SLC41A3: variants seen among roughly 807,000 people sequenced by gnomAD.
SLC41A3 encodes the protein solute carrier family 41 member 3.
In SLC41A3, 44 loss-of-function variants were observed where a neutral mutation model predicts 45.4. The observed-to-expected ratio is 0.97, with a 90% CI of 0.76 to 1.25. The LOEUF is 1.25. SLC41A3 is among the 50% of genes most tolerant of loss of function. The pLI, the probability that SLC41A3 is intolerant of heterozygous loss-of-function variation, is 0.00. For missense variants in SLC41A3, 550 were observed against 600.6 expected (o/e 0.92, Z 0.88); for synonymous variants, 256 against 252.4 (o/e 1.01, Z -0.13).
Position 126,017,940 on chromosome 3 carries a change from C to T in SLC41A3, c.746-1065G>A, listed in dbSNP as rs1314027670. ...AGGTCTCCCACCCTCTGGGAAACAGCGGCCTGCAGAAGCATCACCTTATAC... is the reference window on the plus strand; with the variant it reads ...AGGTCTCCCACCCTCTGGGAAACAGTGGCCTGCAGAAGCATCACCTTATAC... On this transcript the variant is annotated intron_variant, in intron 6 of 10. Coordinates refer to ENST00000360370, the MANE Select transcript of SLC41A3 (RefSeq NM_017836.4). Among the ~76,000 whole-genome samples, 6 of 152,298 alleles carry T rather than the reference C, an allele frequency of 3.9e-5. No homozygotes were observed. The South Asian group carries it at 8.3e-4, about 21-fold the overall frequency.
In SLC41A3 at chr3:126,026,545, A is replaced by C. The variant is rs573352494; in HGVS notation, c.454-66T>G. The C allele has an allele frequency of 1.3e-6, 2 of 1,558,012 alleles. No homozygotes were observed. Among genetic ancestry groups the C allele is most frequent in the East Asian group, 4.7e-5 (2 of 42,906 alleles). On this transcript the variant is annotated intron_variant, in intron 4 of 10. Coordinates refer to ENST00000360370, the MANE Select transcript of SLC41A3 (RefSeq NM_017836.4). This position sits in a 1 kb window ranked among gnomAD's most constrained non-coding sequence, Gnocchi z 4.2. Reference sequence around the variant, plus strand: ...GCCACAGCCACACTCCCTGCCCTTCACACCTCACTCACCGCAAGGGGCCGG... The same window carrying C: ...GCCACAGCCACACTCCCTGCCCTTCCCACCTCACTCACCGCAAGGGGCCGG...
intron 1 of SLC41A3, among the ~76,000 whole-genome samples, chr3:126,080,722 G>A (rs886483248): frequency 6.6e-6 from 1 of 152,186 alleles, no homozygotes; most frequent in South Asian, 2.1e-4. Flanking sequence ...AGGCCAAGGT[G>A]GGAGAATAAC....
chr3:126,090,444 G>T (rs1451908480), intron 1 of SLC41A3, among the ~76,000 whole-genome samples: 1 of 152,164 alleles, frequency 6.6e-6, no homozygotes, highest in Admixed American at 6.5e-5. Flanking sequence ...AGTAGATTTT[G>T]ACCATAATTT....
intron 2 of SLC41A3, chr3:126,056,258 T>C (rs1299772246): frequency 3.2e-5 from 47 of 1,457,260 alleles, no homozygotes; most frequent in Non-Finnish European, 4.0e-5. Context: ...GCCCTCCCAC[T>C]GTAGAGGCCC....
chr3:126,060,744 A>G (rs1042679886), intron 2 of SLC41A3, among the ~76,000 whole-genome samples: 1 of 152,254 alleles, frequency 6.6e-6, no homozygotes, highest in Admixed American at 6.5e-5. Flanking sequence ...GTAGCACAGC[A>G]GAAGAATCTC....
chr3:126,035,433 G>T (rs534678972), intron 3 of SLC41A3, among the ~76,000 whole-genome samples: 1 of 152,172 alleles, frequency 6.6e-6, no homozygotes, highest in Admixed American at 6.5e-5. Flanking sequence ...CAGGAGCTGC[G>T]GGTTTGGGTG....
intron 2 of SLC41A3, among the ~76,000 whole-genome samples, chr3:126,058,803 G>C (rs551519608): frequency 1.3e-5 from 2 of 152,168 alleles, no homozygotes; most frequent in Admixed American, 6.5e-5. Context: ...ATGGTCATAT[G>C]CTGCAGCTGC....
intron 6 of SLC41A3, among the ~76,000 whole-genome samples, chr3:126,018,709 C>T (rs1337411995): frequency 1.3e-5 from 2 of 152,254 alleles, no homozygotes; most frequent in Admixed American, 6.5e-5. Flanking sequence ...ATGCCCACTG[C>T]CCTCCAATCC....
Position 126,007,203 on chromosome 3 carries a change from G to C in SLC41A3, c.1277C>G (p.Ala426Gly). Residue 426 changes from alanine to glycine, a missense_variant, in exon 11 of 11, where the codon GCA becomes GGA. Ala to Gly is a moderately conservative substitution (Grantham distance 60). Transcript: ENST00000360370. ...CCAAGTCAGCCGAACCATCACTTCTGCGAGGTACAGCAGGATTGTCACCTG... is the reference window on the plus strand; with the variant it reads ...CCAAGTCAGCCGAACCATCACTTCTCCGAGGTACAGCAGGATTGTCACCTG... Reference protein sequence around the residue: ...LIQVTILLYLAEVMVRLTWHQ... With the variant: ...LIQVTILLYLGEVMVRLTWHQ... 6.2e-7 allele frequency: 1 copy of C among 1,613,996 alleles called. No homozygotes were observed. The highest frequency in any genetic ancestry group is 8.5e-7 in the Non-Finnish European group (1 of 1,179,888).
chr3:126,101,060 G>C (rs1402838030), intron 1 of SLC41A3, among the ~76,000 whole-genome samples: 9 of 152,212 alleles, frequency 5.9e-5, no homozygotes, highest in Non-Finnish European at 1.3e-4. Flanking sequence ...GTTGGACTCG[G>C]CTTCCTCCAT....
At chr3:126,010,071 T>C (rs1459549695) in intron 9 of SLC41A3, among the ~76,000 whole-genome samples, 2 of 152,252 alleles carry the variant, frequency 1.3e-5, no homozygotes, top group South Asian at 2.1e-4. Flanking sequence ...ATGAACAACA[T>C]GGTCGTGAGT....
chr3:126,018,617 A>G (rs1580410438), intron 6 of SLC41A3, among the ~76,000 whole-genome samples: 1 of 152,208 alleles, frequency 6.6e-6, no homozygotes, highest in East Asian at 1.9e-4. Context: ...CCCTAGGCCT[A>G]CATTCCCATG....
intron 3 of SLC41A3, 91 bp downstream of exon 3, chr3:126,050,852 A>C: frequency 6.8e-7 from 1 of 1,473,502 alleles, no homozygotes; most frequent in Non-Finnish European, 9.0e-7. Flanking sequence ...TGGAGAATCC[A>C]ACCCACCGCC....
intron 2 of SLC41A3, among the ~76,000 whole-genome samples, chr3:126,066,105 G>A (rs555595780): frequency 2.6e-5 from 4 of 152,334 alleles, no homozygotes; most frequent in African/African-American, 9.6e-5. Context: ...TCTATGACTA[G>A]TTTACAGAGG....
intron 4 of SLC41A3, among the ~76,000 whole-genome samples, chr3:126,031,348 G>A (rs1941782136): frequency 6.6e-6 from 1 of 152,154 alleles, no homozygotes; most frequent in South Asian, 2.1e-4. Flanking sequence ...GTTATCTTAG[G>A]AATTTCATGC....
At chr3:126,016,991 G>T in intron 6 of SLC41A3, 116 bp from the exon 7 acceptor site, 1 of 1,286,108 alleles carries the variant, frequency 7.8e-7, no homozygotes. Flanking sequence ...CATCAGTTGA[G>T]GGGGAACTGC....
At chr3:126,082,578 C>T (rs1309863707) in intron 1 of SLC41A3, among the ~76,000 whole-genome samples, 14 of 152,160 alleles carry the variant, frequency 9.2e-5, no homozygotes, top group Admixed American at 8.5e-4. Flanking sequence ...GTGAGGCTGC[C>T]CACCCTCCCA....
At chr3:126,033,966 ACACACACAGG>A (rs1231536106) in intron 3 of SLC41A3, among the ~76,000 whole-genome samples, 5 of 152,038 alleles carry the variant, frequency 3.3e-5, no homozygotes, top group South Asian at 2.1e-4. Flanking sequence ...ACACAGCGGT[ACACACACAGG>A]CACACACAGC....
At chr3:126,044,181 C>CA (rs1942790313) in intron 3 of SLC41A3, among the ~76,000 whole-genome samples, 1 of 152,124 alleles carries the variant, frequency 6.6e-6, no homozygotes, top group Non-Finnish European at 1.5e-5. Context: ...GACTTTAAGT[C>CA]AAAAACCATT....
Sources: gnomAD v4.1 joint callset for allele counts (sites outside exome capture counted in the v4.1 genomes callset) on GRCh38, gnomAD v4.1.1 for gene constraint, Gnocchi (gnomAD v3.1) non-coding constraint, MANE v1.5 for transcripts, NCBI Gene and HGNC (gene_info 2026-07-23, HGNC 2026-07-21) for gene names.